FRMD4A: variants seen among roughly 807,000 people sequenced by gnomAD.
FRMD4A encodes the protein FERM domain-containing protein 4A.
In FRMD4A, 29 loss-of-function variants were observed where a neutral mutation model predicts 129.1. The ratio of observed to expected loss-of-function variants is 0.22; its 90% CI spans 0.17 to 0.31. The LOEUF (loss-of-function observed/expected upper bound fraction) is 0.31, where lower values mean the gene tolerates loss of function less well. FRMD4A is among the 10% of genes least tolerant of loss of function. The pLI is 1.00. For missense variants in FRMD4A, 1,272 were observed against 1,375.8 expected (o/e 0.92, Z 1.19); for synonymous variants, 634 against 571.6 (o/e 1.11, Z -1.56).
intron 2 of FRMD4A, among the ~76,000 whole-genome samples, chr10:14,109,536 T>A (rs904968171): frequency 1.3e-5 from 2 of 152,222 alleles, no homozygotes; most frequent in Non-Finnish European, 2.9e-5. Context: ...TTTGAACATA[T>A]TCTCCTGCCG....
intron 2 of FRMD4A, among the ~76,000 whole-genome samples, chr10:14,253,207 G>T (rs550362486): frequency 6.6e-6 from 1 of 152,136 alleles, no homozygotes; most frequent in African/African-American, 2.4e-5. Context: ...TCTGGTCAAG[G>T]TTAGCACCGC....
intron 2 of FRMD4A, among the ~76,000 whole-genome samples, chr10:14,050,045 T>C (rs1030810976): frequency 6.6e-6 from 1 of 152,232 alleles, no homozygotes; most frequent in Non-Finnish European, 1.5e-5. Flanking sequence ...GCACCATCAC[T>C]TACACACTGC....
chr10:14,239,868 C>T (rs1478449781), intron 2 of FRMD4A, among the ~76,000 whole-genome samples: 1 of 152,188 alleles, frequency 6.6e-6, no homozygotes, highest in Non-Finnish European at 1.5e-5. Context: ...TATTCATTCA[C>T]GCTAGGATTA....
chr10:14,141,836 T>TAG (rs1839851071), intron 2 of FRMD4A, among the ~76,000 whole-genome samples: 1 of 152,232 alleles, frequency 6.6e-6, no homozygotes, highest in Non-Finnish European at 1.5e-5. Flanking sequence ...TGCCTGCTTG[T>TAG]GTCTGTGCAT....
At chr10:13,791,560 C>CA (rs1470358452) in intron 5 of FRMD4A, among the ~76,000 whole-genome samples, 1 of 151,838 alleles carries the variant, frequency 6.6e-6, no homozygotes, top group Non-Finnish European at 1.5e-5. Context: ...CTGAATTGGC[C>CA]AAAAAATAGG....
intron 2 of FRMD4A, among the ~76,000 whole-genome samples, chr10:14,026,686 G>A (rs1179960621): frequency 2.0e-5 from 3 of 152,214 alleles, no homozygotes; most frequent in Non-Finnish European, 2.9e-5. Flanking sequence ...TCAATAACCA[G>A]CTGCATCACA....
chr10:13,951,670 A>T (rs1588504790), intron 2 of FRMD4A, among the ~76,000 whole-genome samples: 2 of 151,684 alleles, frequency 1.3e-5, no homozygotes, highest in Non-Finnish European at 2.9e-5. Flanking sequence ...TGGGTGAATC[A>T]CCTGAGGTCA....
intron 2 of FRMD4A, among the ~76,000 whole-genome samples, chr10:14,131,400 C>A (rs4750469): frequency 0.24 from 36,367 of 150,468 alleles, 4,436 homozygotes; most frequent in Admixed American, 0.28. Flanking sequence ...CACTGTGCCC[C>A]CCCCGGCCGC....
intron 2 of FRMD4A, among the ~76,000 whole-genome samples, chr10:14,104,422 A>G (rs1472268214): frequency 6.6e-6 from 1 of 152,232 alleles, no homozygotes; most frequent in Non-Finnish European, 1.5e-5. Flanking sequence ...GTCTCTGCGC[A>G]TATAATTGCT....
chr10:14,301,696 CT>C (rs1846191251), intron 2 of FRMD4A, among the ~76,000 whole-genome samples: 1 of 151,946 alleles, frequency 6.6e-6, no homozygotes, highest in Admixed American at 6.6e-5. Context: ...ATATATAGTT[CT>C]TCTTTTTCTA....
chr10:13,658,896 A>AG (rs1258898635), intron 21 of FRMD4A, among the ~76,000 whole-genome samples: 1 of 151,834 alleles, frequency 6.6e-6, no homozygotes, highest in East Asian at 1.9e-4. Context: ...AAAAAAAAAA[A>AG]AAAAGAAACA....
At chr10:14,071,478 G>A (rs1835315244) in intron 2 of FRMD4A, among the ~76,000 whole-genome samples, 1 of 152,064 alleles carries the variant, frequency 6.6e-6, no homozygotes, top group Non-Finnish European at 1.5e-5. Context: ...AAATTGAAAT[G>A]GAAAGATCTT....
intron 2 of FRMD4A, among the ~76,000 whole-genome samples, chr10:14,018,455 CAAAAAAAA>C (rs71388151): frequency 3.4e-5 from 2 of 59,250 alleles, no homozygotes; most frequent in African/African-American, 1.4e-4. Context: ...GACTCCATCT[CAAAAAAAA>C]AAAAAAAAAA....
At chr10:14,305,651 A>T (rs1477284041) in intron 2 of FRMD4A, among the ~76,000 whole-genome samples, 1 of 152,188 alleles carries the variant, frequency 6.6e-6, no homozygotes, top group East Asian at 1.9e-4. Flanking sequence ...CTCTATAAAA[A>T]TTCTCTTATA....
chr10:13,734,935 G>A (rs183789305), intron 12 of FRMD4A, among the ~76,000 whole-genome samples: 1,605 of 151,706 alleles, frequency 0.011, 13 homozygotes, highest in Non-Finnish European at 0.016. Context: ...GCGCAGTGGT[G>A]CGATCTCAGC....
chr10:14,247,391 T>C (rs1844279887), intron 2 of FRMD4A, among the ~76,000 whole-genome samples: 1 of 152,154 alleles, frequency 6.6e-6, no homozygotes, highest in Non-Finnish European at 1.5e-5. Flanking sequence ...CAATGGCAAA[T>C]TGAAAATGCA....
intron 2 of FRMD4A, among the ~76,000 whole-genome samples, chr10:14,117,392 C>A (rs771974796): frequency 2.6e-5 from 4 of 152,224 alleles, no homozygotes; most frequent in African/African-American, 9.6e-5. Flanking sequence ...ACCTGTTGGC[C>A]TCCCATCATT....
At chr10:13,884,174 A>G (rs370569726) in intron 2 of FRMD4A, among the ~76,000 whole-genome samples, 53 of 105,280 alleles carry the variant, frequency 5.0e-4, no homozygotes, top group Non-Finnish European at 6.8e-4. Flanking sequence ...ACACTCACAC[A>G]CTCACACACA....
chr10:13,680,501 G>A (rs1412661058), intron 15 of FRMD4A, among the ~76,000 whole-genome samples: 1 of 151,950 alleles, frequency 6.6e-6, no homozygotes, highest in Non-Finnish European at 1.5e-5. Flanking sequence ...GCCGAGGTGG[G>A]CAGATCAGGA....
Sources: gnomAD v4.1 joint callset for allele counts (sites outside exome capture counted in the v4.1 genomes callset) on GRCh38, gnomAD v4.1.1 for gene constraint, MANE v1.5 for transcripts, NCBI Gene and HGNC (gene_info 2026-07-23, HGNC 2026-07-21) for gene names.